HDAC9: variants seen among roughly 807,000 people sequenced by gnomAD.
The protein encoded by HDAC9 is histone deacetylase 9.
HDAC9 carries 41 observed loss-of-function variants against 139.4 expected under a neutral mutation model. The ratio of observed to expected loss-of-function variants is 0.29; its 90% CI spans 0.23 to 0.38. HDAC9 has a LOEUF of 0.38. HDAC9 is among the 10% of genes least tolerant of loss of function. The pLI is 1.00. For missense variants in HDAC9, 1,147 were observed against 1,297.0 expected (o/e 0.88, Z 1.78); for synonymous variants, 517 against 476.2 (o/e 1.09, Z -1.12).
chr7:18,195,414 G>C (rs1215698372), intron 2 of HDAC9, among the ~76,000 whole-genome samples: 2 of 152,162 alleles, frequency 1.3e-5, no homozygotes, highest in Non-Finnish European at 2.9e-5. Context: ...TATTTCTGCA[G>C]TTAAATTCAT....
intron 1 of HDAC9, among the ~76,000 whole-genome samples, chr7:18,156,631 T>A (rs1329870091): frequency 6.6e-6 from 1 of 152,216 alleles, no homozygotes; most frequent in Non-Finnish European, 1.5e-5. Flanking sequence ...CAAAGATGAA[T>A]GTAGTGCAGT....
chr7:18,137,229 A>G (rs1176099184), intron 1 of HDAC9, among the ~76,000 whole-genome samples: 1 of 107,614 alleles, frequency 9.3e-6, no homozygotes, highest in Non-Finnish European at 1.8e-5. Context: ...TTTTCTAGAT[A>G]TACAATCATG....
intron 1 of HDAC9, among the ~76,000 whole-genome samples, chr7:18,360,080 C>T (rs1186176456): frequency 1.3e-5 from 2 of 152,222 alleles, no homozygotes; most frequent in Admixed American, 6.5e-5. Flanking sequence ...ACTTCTTGCT[C>T]TTCTGCTCTT....
chr7:18,664,013 C>A (rs578196003), intron 11 of HDAC9, among the ~76,000 whole-genome samples: 10 of 152,200 alleles, frequency 6.6e-5, no homozygotes, highest in African/African-American at 2.4e-4. Flanking sequence ...ATATCTTGCT[C>A]GTTTCTATGC....
At chr7:18,331,248 A>G (rs895357613) in intron 1 of HDAC9, among the ~76,000 whole-genome samples, 2 of 151,720 alleles carry the variant, frequency 1.3e-5, no homozygotes, top group African/African-American at 4.8e-5. Flanking sequence ...CAGGCATGTA[A>G]TACATTTGTG....
chr7:18,586,493 C>A (rs769340304), intron 3 of HDAC9, among the ~76,000 whole-genome samples: 1 of 151,980 alleles, frequency 6.6e-6, no homozygotes, highest in Non-Finnish European at 1.5e-5. Flanking sequence ...ATTATAGGAA[C>A]TTTATTACTT....
chr7:18,803,766 C>T (rs1038313002), intron 17 of HDAC9, among the ~76,000 whole-genome samples: 1 of 151,942 alleles, frequency 6.6e-6, no homozygotes. Flanking sequence ...GGATTTTACT[C>T]AGTCAAGTTG....
At chr7:18,725,117 A>G (rs1473301316) in intron 12 of HDAC9, among the ~76,000 whole-genome samples, 1 of 152,222 alleles carries the variant, frequency 6.6e-6, no homozygotes, top group African/African-American at 2.4e-5. Flanking sequence ...CAGCAGACAC[A>G]GTGCCCAAAG....
At chr7:18,531,807 CT>C (rs1809066046) in intron 2 of HDAC9, among the ~76,000 whole-genome samples, 2 of 151,960 alleles carry the variant, frequency 1.3e-5, no homozygotes, top group Admixed American at 6.5e-5. Context: ...TTCTATTGAA[CT>C]CCATTTCAAT....
At chr7:18,773,211 C>G (rs562441704) in intron 16 of HDAC9, among the ~76,000 whole-genome samples, 1 of 152,042 alleles carries the variant, frequency 6.6e-6, no homozygotes, top group South Asian at 2.1e-4. Flanking sequence ...AAGAATACTT[C>G]ATTTTCTTAT....
chr7:18,178,874 C>G (rs568718232), intron 2 of HDAC9, among the ~76,000 whole-genome samples: 1 of 152,152 alleles, frequency 6.6e-6, no homozygotes, highest in African/African-American at 2.4e-5. Context: ...TATACATTTT[C>G]AGTTCCTCTT....
intron 2 of HDAC9, among the ~76,000 whole-genome samples, chr7:18,559,517 AG>A (rs1421423910): frequency 6.6e-6 from 1 of 152,114 alleles, no homozygotes; most frequent in African/African-American, 2.4e-5. Flanking sequence ...CCTGAGGAGG[AG>A]GGGGTAGGGA....
upstream of HDAC9, among the ~76,000 whole-genome samples, chr7:18,289,540 A>C (rs1198880968): frequency 6.6e-6 from 1 of 152,202 alleles, no homozygotes; most frequent in African/African-American, 2.4e-5. Context: ...ATCAAAAGCA[A>C]GAGCTAGTGA....
At chr7:18,106,892 A>C (rs1783248256) in intron 1 of HDAC9, among the ~76,000 whole-genome samples, 1 of 152,130 alleles carries the variant, frequency 6.6e-6, no homozygotes, top group Non-Finnish European at 1.5e-5. Flanking sequence ...GGAATACTTA[A>C]TAGGGGGATT....
intron 1 of HDAC9, among the ~76,000 whole-genome samples, chr7:18,318,412 A>G (rs1279933473): frequency 6.6e-6 from 1 of 152,216 alleles, no homozygotes; most frequent in Non-Finnish European, 1.5e-5. Flanking sequence ...AATGGAATGC[A>G]GATGGCATTT....
intron 2 of HDAC9, among the ~76,000 whole-genome samples, chr7:18,172,429 G>T (rs1048606933): frequency 6.6e-6 from 1 of 151,968 alleles, no homozygotes; most frequent in African/African-American, 2.4e-5. Context: ...TTTTTGAAGG[G>T]TTTTTTATGT....
chr7:18,525,561 T>C (rs914483749), intron 2 of HDAC9, among the ~76,000 whole-genome samples: 1 of 152,210 alleles, frequency 6.6e-6, no homozygotes, highest in Non-Finnish European at 1.5e-5. Context: ...GCTCAATCCA[T>C]ATTTTTGTAA....
intron 11 of HDAC9, among the ~76,000 whole-genome samples, chr7:18,657,913 C>T (rs1051585283): frequency 2.6e-5 from 4 of 152,068 alleles, no homozygotes; most frequent in African/African-American, 9.7e-5. Context: ...ATCATCTCCT[C>T]CCTTCCCTCT....
At chr7:18,394,403 C>T (rs544131025) in intron 1 of HDAC9, among the ~76,000 whole-genome samples, 1 of 152,208 alleles carries the variant, frequency 6.6e-6, no homozygotes, top group Admixed American at 6.5e-5. Context: ...TCCTACAATG[C>T]CATAAAATAT....
Sources: gnomAD v4.1 joint callset for allele counts (sites outside exome capture counted in the v4.1 genomes callset) on GRCh38, gnomAD v4.1.1 for gene constraint, MANE v1.5 for transcripts, NCBI Gene and HGNC (gene_info 2026-07-23, HGNC 2026-07-21) for gene names.